GLI2: variants seen among roughly 807,000 people sequenced by gnomAD.
GLI2 encodes the protein transcription activator GLI2.
In GLI2, 22 loss-of-function variants were observed where a neutral mutation model predicts 78.9. The observed-to-expected ratio is 0.28, with a 90% confidence interval of 0.20 to 0.40. The LOEUF (loss-of-function observed/expected upper bound fraction) is 0.40, where lower values mean the gene tolerates loss of function less well. GLI2 is among the 10% of genes least tolerant of loss of function. The pLI is 1.00. For missense variants in GLI2, 2,097 were observed against 2,213.2 expected (o/e 0.95, Z 1.05); for synonymous variants, 974 against 963.7 (o/e 1.01, Z -0.20).
intron 1 of GLI2, among the ~76,000 whole-genome samples, chr2:120,777,381 G>C (rs1000035668): frequency 6.6e-6 from 1 of 152,046 alleles, no homozygotes; most frequent in Non-Finnish European, 1.5e-5. Flanking sequence ...GTGTCTGAAC[G>C]AGATGAGGGA....
chr2:120,966,988 A>T (rs1387630259), intron 5 of GLI2, among the ~76,000 whole-genome samples: 1 of 152,246 alleles, frequency 6.6e-6, no homozygotes, highest in Non-Finnish European at 1.5e-5. Context: ...CAGACCCTGC[A>T]GTCAGGGCAG....
chr2:120,864,315 T>C (rs1360136860), intron 2 of GLI2, among the ~76,000 whole-genome samples: 1 of 152,222 alleles, frequency 6.6e-6, no homozygotes, highest in Non-Finnish European at 1.5e-5. Flanking sequence ...CCTGCTGTTT[T>C]TTACATGGGT....
intron 2 of GLI2, among the ~76,000 whole-genome samples, chr2:120,915,582 C>T (rs1167937739): frequency 5.3e-5 from 8 of 152,148 alleles, no homozygotes; most frequent in Non-Finnish European, 8.8e-5. Context: ...TTCCATGATT[C>T]GTGCTCTTTT....
At position 120,922,782 on chromosome 2, in the gene GLI2, A is replaced by G. The variant is rs535739568; in HGVS notation, c.149-4579A>G. On this transcript the variant is annotated intron_variant, in intron 2 of 13. Transcript: ENST00000361492. ...CCTCCTGGGGATTCCAGGGGGTGAG[A>G]GAGGAGTGCACGGGTGCAGCCTGCA... Among the ~76,000 whole-genome samples, 179 of 152,240 alleles carry G rather than the reference A, an allele frequency of 1.2e-3. 3 individuals carry two copies. The South Asian group carries it at 0.036, about 31-fold the overall frequency.
chr2:120,942,790 C>CTTTA (rs1406481813), intron 3 of GLI2, among the ~76,000 whole-genome samples: 1 of 151,366 alleles, frequency 6.6e-6, no homozygotes, highest in African/African-American at 2.5e-5. Flanking sequence ...ACGCTCCCTG[C>CTTTA]TTTATTCATT....
At chr2:120,831,305 C>T (rs1241391554) in intron 2 of GLI2, among the ~76,000 whole-genome samples, 1 of 152,190 alleles carries the variant, frequency 6.6e-6, no homozygotes, top group Non-Finnish European at 1.5e-5. Context: ...ATTGTACTAA[C>T]CTGGCAATTG....
intron 1 of GLI2, among the ~76,000 whole-genome samples, chr2:120,744,536 T>A (rs1304658446): frequency 6.6e-6 from 1 of 152,238 alleles, no homozygotes; most frequent in Non-Finnish European, 1.5e-5. Context: ...TGGTACATAA[T>A]ATAGTAATTT....
Position 120,735,890 on chromosome 2 carries a change from G to C in GLI2, c.-426G>C, listed in dbSNP as rs926731218. ...GGCGCTGATGGATTGCAGAAGTGCC[G>C]GCGCTTGCCAGCCGAGGCAGCACGG... On this transcript the variant is annotated 5_prime_UTR_variant, in exon 1 of 14. Transcript: ENST00000361492. Among the ~76,000 whole-genome samples, 3 of 151,938 alleles carry C rather than the reference G, an allele frequency of 2.0e-5. No homozygotes were observed. The highest frequency in any genetic ancestry group is 7.2e-5 in the African/African-American group (3 of 41,398).
At position 120,842,746 on chromosome 2, in the gene GLI2, A is replaced by G. The variant is rs1397504899; in HGVS notation, c.148+45278A>G. 2.0e-5 allele frequency among the ~76,000 whole-genome samples: 3 copies of G among 152,256 alleles called. No homozygotes were observed. In the East Asian group the frequency reaches 5.8e-4, roughly 29 times the overall value. ...TTTCCTAAGCCCCTCAGCCACAGAT[A>G]TATAATGTGTAGTTTCTGAATGAGT... On this transcript the variant is annotated intron_variant, in intron 2 of 13. Coordinates refer to ENST00000361492, the MANE Select transcript of GLI2 (RefSeq NM_001374353.1).
At chr2:120,781,881 C>CA (rs61067431) in intron 1 of GLI2, among the ~76,000 whole-genome samples, 1,454 of 131,696 alleles carry the variant, frequency 0.011, 9 homozygotes, top group African/African-American at 0.026. Context: ...GACTCCATCT[C>CA]AAAAAAAAAA....
At chr2:120,889,362 TCAGA>T (rs1438100773) in intron 2 of GLI2, among the ~76,000 whole-genome samples, 1 of 152,184 alleles carries the variant, frequency 6.6e-6, no homozygotes, top group African/African-American at 2.4e-5. Flanking sequence ...GCTTTCCAGT[TCAGA>T]CAGTCAGCTC....
chr2:120,739,599 T>C lies in GLI2; in HGVS notation c.-31+3314T>C, dbSNP rs116388208. On this transcript the variant is annotated intron_variant, in intron 1 of 13. Coordinates refer to ENST00000361492, the MANE Select transcript of GLI2 (RefSeq NM_001374353.1). ...AAGGGGTTCTACCTGGGCCAGAGCC[T>C]GTTTCCTAGTGGACAAGGGGCAGCC... 3.3e-3 allele frequency among the ~76,000 whole-genome samples: 499 copies of C among 152,352 alleles called. 4 individuals carry two copies. The highest frequency in any genetic ancestry group is 0.012 in the African/African-American group (480 of 41,582).
chr2:120,954,550 G>T (rs1681149349), intron 4 of GLI2, among the ~76,000 whole-genome samples: 1 of 152,178 alleles, frequency 6.6e-6, no homozygotes, highest in South Asian at 2.1e-4. Flanking sequence ...TTGCTTCCTA[G>T]ATTCAGACTG....
intron 13 of GLI2, 77 bp from the exon 14 acceptor site, chr2:120,988,131 A>C (rs1200508142): frequency 7.7e-7 from 1 of 1,301,676 alleles, no homozygotes; most frequent in Non-Finnish European, 1.0e-6. Flanking sequence ...CTCCAGGCCC[A>C]GTGCGATGAC....
In GLI2 at chr2:120,986,334, G is replaced by T; in HGVS notation, c.1962G>T (p.Leu654=). 6.2e-7 allele frequency: 1 copy of T among 1,613,596 alleles called. No homozygotes were observed. Among genetic ancestry groups the T allele is most frequent in the African/African-American group, 1.3e-5 (1 of 75,062 alleles). ...CCTGCAGCAGCGAGCCCTCTCCTCTGGGCAGTGCCCCCAACAATGACAGTG... is the reference window on the plus strand; with the variant it reads ...CCTGCAGCAGCGAGCCCTCTCCTCTTGGCAGTGCCCCCAACAATGACAGTG... ...QSSCSSEPSP[L]GSAPNNDSGV... is the part of the protein sequence containing the mutation. Residue 654 remains leucine (L), a synonymous_variant, in exon 13 of 14, where the codon CTG becomes CTT. Transcript: ENST00000361492.
At chr2:120,858,367 C>T (rs1019970538) in intron 2 of GLI2, among the ~76,000 whole-genome samples, 3 of 152,138 alleles carry the variant, frequency 2.0e-5, no homozygotes, top group South Asian at 2.1e-4. Context: ...CCCATGCCCC[C>T]GCCATGTCCA....
rs114799121 is a variant in GLI2 at position 120,781,023 on chromosome 2, C to T, written c.-30-16268C>T. Among the ~76,000 whole-genome samples, 208 of 152,276 alleles carry T rather than the reference C, an allele frequency of 1.4e-3. 1 individual carries two copies. Among genetic ancestry groups the T allele is most frequent in the African/African-American group, 4.8e-3 (199 of 41,560 alleles). ...CCCTGAGGCTTCATCGTGTCAGCTC[C>T]CATATCTCTTCCACTCTGCATGGGC... is the stretch of plus-strand genomic sequence containing the variant. On this transcript the variant is annotated intron_variant, in intron 1 of 13. Transcript: ENST00000361492.
At chr2:120,935,150 AG>A (rs1413452337) in intron 3 of GLI2, among the ~76,000 whole-genome samples, 2 of 152,172 alleles carry the variant, frequency 1.3e-5, no homozygotes, top group Non-Finnish European at 2.9e-5. Flanking sequence ...TAGAGGAAGG[AG>A]GAGACTTCCG....
At position 120,989,756 on chromosome 2, in the gene GLI2, G is replaced by T. The variant is rs1425274542; in HGVS notation, c.3791G>T (p.Gly1264Val). 6.2e-7 allele frequency: 1 copy of T among 1,612,604 alleles called. No individual in the cohort carries two copies. Among genetic ancestry groups the T allele is most frequent in the Non-Finnish European group, 8.5e-7 (1 of 1,179,668 alleles). ...SNMPAKPGHLGHPQQTEVAPD... is the reference protein window; with the variant it reads ...SNMPAKPGHLVHPQQTEVAPD... The stretch of plus-strand genomic sequence containing the variant: ...ATGCCAGCCAAGCCAGGGCATCTGG[G>T]GCACCCTCAGCAGACAGAAGTGGCA... The change falls in exon 14 of 14, where the codon GGG becomes GTG. Residue 1264 changes from glycine to valine, a missense_variant. By Grantham distance (109) the Gly-to-Val change is moderately radical. Transcript: ENST00000361492.
Sources: allele counts gnomAD v4.1 joint callset (sites outside exome capture counted in the v4.1 genomes callset), GRCh38; gene constraint gnomAD v4.1.1; transcripts MANE v1.5; gene names NCBI Gene and HGNC (gene_info 2026-07-23, HGNC 2026-07-21).